SMARCAL1: variants seen among roughly 807,000 people sequenced by gnomAD.
The protein encoded by SMARCAL1 is SNF2 related chromatin remodeling annealing helicase 1.
In SMARCAL1, 58 loss-of-function variants were observed where a neutral mutation model predicts 94.5. That is an observed-to-expected ratio of 0.61 (90% confidence interval 0.50 to 0.76). SMARCAL1 has a LOEUF of 0.76. SMARCAL1 is among the 30% of genes least tolerant of loss of function. The pLI, the probability that SMARCAL1 is intolerant of heterozygous loss-of-function variation, is 0.00. For missense variants in SMARCAL1, 1,051 were observed against 1,177.9 expected (o/e 0.89, Z 1.58); for synonymous variants, 422 against 455.1 (o/e 0.93, Z 0.93).
At chr2:216,465,406 T>C (rs1183587984) in intron 13 of SMARCAL1, among the ~76,000 whole-genome samples, 1 of 152,194 alleles carries the variant, frequency 6.6e-6, no homozygotes, top group Non-Finnish European at 1.5e-5. Flanking sequence ...AAAGCTGCCT[T>C]ATGGGGATAC....
Position 216,482,425 on chromosome 2 carries a change from T to C in SMARCAL1, c.2626-313T>C, listed in dbSNP as rs1161221742. 1.3e-5 allele frequency among the ~76,000 whole-genome samples: 2 copies of C among 152,240 alleles called. No homozygotes were observed. The highest frequency in any genetic ancestry group is 2.9e-5 in the Non-Finnish European group (2 of 68,044). On this transcript the variant is annotated intron_variant, in intron 17 of 17. Coordinates refer to ENST00000357276, the MANE Select transcript of SMARCAL1 (RefSeq NM_014140.4). This position sits in a 1 kb window ranked among gnomAD's most constrained non-coding sequence, Gnocchi z 4.3. ...GCTATTTCAGTATTGAAATAATGAT[T>C]TGGAAAGTTCAAAGGGAGAAAACAT...
At chr2:216,463,386 G>T (rs1397684155) in intron 12 of SMARCAL1, among the ~76,000 whole-genome samples, 1 of 152,188 alleles carries the variant, frequency 6.6e-6, no homozygotes, top group East Asian at 1.9e-4. Flanking sequence ...AGTGTCTAGT[G>T]AGGGCCCAGT....
At chr2:216,445,607 AT>A (rs1694294445) in intron 10 of SMARCAL1, among the ~76,000 whole-genome samples, 2 of 110,622 alleles carry the variant, frequency 1.8e-5, no homozygotes, top group South Asian at 5.4e-4. Context: ...AAAACTTTTC[AT>A]TTTCCCCTTT....
At position 216,415,239 on chromosome 2, in the gene SMARCAL1, C is replaced by A. The variant is rs1213262811; in HGVS notation, c.535C>A (p.His179Asn). The change falls in exon 3 of 18, where the codon CAT becomes AAT. Residue 179 changes from histidine to asparagine, a missense_variant. Physicochemically the swap from His to Asn is moderately conservative, Grantham distance 68. This residue lies in a region of SMARCAL1 where 398 missense variants were observed against 395.2 expected (regional missense o/e 1.01). Transcript: ENST00000357276. ...AAAGAGTTCCCAAGAGACACCAGCT[C>A]ATTCCTCTGGACAGCCTCCCAGGGA... ...KPKSSQETPA[H>N]SSGQPPRDAK... is the part of the protein sequence containing the mutation. 6.2e-7 allele frequency: 1 copy of A among 1,614,252 alleles called. No homozygotes were observed. The highest frequency in any genetic ancestry group is 2.2e-5 in the East Asian group (1 of 44,892).
intron 11 of SMARCAL1, among the ~76,000 whole-genome samples, chr2:216,449,839 G>C (rs1247404087): frequency 6.7e-6 from 1 of 150,246 alleles, no homozygotes; most frequent in African/African-American, 2.4e-5. Flanking sequence ...TAATGGTAAT[G>C]GCTTCTTTTT....
At chr2:216,465,963 C>T (rs191189251) in intron 13 of SMARCAL1, among the ~76,000 whole-genome samples, 1 of 152,336 alleles carries the variant, frequency 6.6e-6, no homozygotes, top group African/African-American at 2.4e-5. Flanking sequence ...CTCCCCTTCA[C>T]CTCCTGGGCA....
intron 1 of SMARCAL1, 86 bp downstream of exon 1, chr2:216,412,734 G>A (rs1372504866): frequency 6.5e-6 from 1 of 152,744 alleles, no homozygotes; most frequent in Non-Finnish European, 1.5e-5. Flanking sequence ...CAATGGGAAG[G>A]GTGAATCCAA....
intron 8 of SMARCAL1, among the ~76,000 whole-genome samples, chr2:216,434,029 C>T (rs78647180): frequency 0.036 from 5,319 of 149,264 alleles, 203 homozygotes; most frequent in East Asian, 0.16. Context: ...TTTAATGAGA[C>T]AGGGTCTCAT....
At chr2:216,476,524 G>T (rs532123843) in intron 15 of SMARCAL1, among the ~76,000 whole-genome samples, 2 of 152,098 alleles carry the variant, frequency 1.3e-5, no homozygotes, top group East Asian at 3.9e-4. Context: ...TGTTGCTCAA[G>T]CTGTTCTGGA....
At chr2:216,450,242 G>T (rs1242593193) in intron 11 of SMARCAL1, among the ~76,000 whole-genome samples, 1 of 152,146 alleles carries the variant, frequency 6.6e-6, no homozygotes, top group East Asian at 1.9e-4. Flanking sequence ...GTTTATGAAG[G>T]ACTGCCTAGG....
At chr2:216,419,430 A>G (rs1559122363) in intron 4 of SMARCAL1, among the ~76,000 whole-genome samples, 1 of 151,786 alleles carries the variant, frequency 6.6e-6, no homozygotes, top group Non-Finnish European at 1.5e-5. Flanking sequence ...CTTTCACTCC[A>G]GTGTGTGTCT....
At chr2:216,459,136 G>A (rs1158422700) in intron 12 of SMARCAL1, among the ~76,000 whole-genome samples, 1 of 152,048 alleles carries the variant, frequency 6.6e-6, no homozygotes, top group South Asian at 2.1e-4. Flanking sequence ...GGGATGTGAA[G>A]GACCTCTTCA....
At chr2:216,462,731 A>G (rs1463675804) in intron 12 of SMARCAL1, among the ~76,000 whole-genome samples, 1 of 152,078 alleles carries the variant, frequency 6.6e-6, no homozygotes, top group Non-Finnish European at 1.5e-5. Flanking sequence ...CATGCCTGTA[A>G]TCCCAGCACT....
intron 17 of SMARCAL1, among the ~76,000 whole-genome samples, chr2:216,480,852 C>CA (rs1695178790): frequency 6.6e-6 from 1 of 151,934 alleles, no homozygotes; most frequent in Non-Finnish European, 1.5e-5. Flanking sequence ...AAGACATGAC[C>CA]AAAAAAATCT....
At position 216,478,184 on chromosome 2, in the gene SMARCAL1, G is replaced by A; in HGVS notation, c.2529-19G>A. On this transcript the variant is annotated intron_variant, in intron 16 of 17. Transcript: ENST00000357276. Reference sequence around the variant, plus strand: ...TTCTGTGCAGGTTGTATTCACTGCAGCTCATTTCTCCCCAACAGGCCCCTG... The same window carrying A: ...TTCTGTGCAGGTTGTATTCACTGCAACTCATTTCTCCCCAACAGGCCCCTG... The A allele has an allele frequency of 1.2e-6, 2 of 1,607,470 alleles. No homozygotes were observed. The highest frequency in any genetic ancestry group is 1.7e-6 in the Non-Finnish European group (2 of 1,173,986).
intron 4 of SMARCAL1, among the ~76,000 whole-genome samples, chr2:216,417,996 C>T (rs1693638108): frequency 6.6e-6 from 1 of 152,146 alleles, no homozygotes; most frequent in Non-Finnish European, 1.5e-5. Context: ...TCTTGGCTCC[C>T]TGCAACCTCT....
At chr2:216,467,151 C>T (rs1694845846) in intron 13 of SMARCAL1, among the ~76,000 whole-genome samples, 1 of 152,162 alleles carries the variant, frequency 6.6e-6, no homozygotes, top group Non-Finnish European at 1.5e-5. Flanking sequence ...TGAGGGTAGC[C>T]ACCTTAAGGC....
chr2:216,434,296 C>G (rs190935225), intron 8 of SMARCAL1, among the ~76,000 whole-genome samples: 8 of 152,160 alleles, frequency 5.3e-5, no homozygotes, highest in African/African-American at 1.9e-4. Context: ...CACCCAGATG[C>G]CTGGGTGGGT....
chr2:216,436,746 T>A (rs1296659059), intron 9 of SMARCAL1, among the ~76,000 whole-genome samples: 1 of 152,228 alleles, frequency 6.6e-6, no homozygotes, highest in Non-Finnish European at 1.5e-5. Flanking sequence ...TTTCAATTCT[T>A]GAGTGTTGCC....
Sources: gnomAD v4.1 joint callset for allele counts (sites outside exome capture counted in the v4.1 genomes callset) on GRCh38, gnomAD v4.1.1 for gene constraint, gnomAD v4.1.1 regional missense constraint, Gnocchi (gnomAD v3.1) non-coding constraint, MANE v1.5 for transcripts, NCBI Gene and HGNC (gene_info 2026-07-23, HGNC 2026-07-21) for gene names.